Variants in VPS54 observed in about 807,000 individuals in gnomAD.
VPS54 encodes VPS54 subunit of GARP complex.
A neutral mutation model predicts 121.5 loss-of-function variants in VPS54; 45 were observed. The ratio of observed to expected loss-of-function variants is 0.37; its 90% CI spans 0.29 to 0.47. The LOEUF is 0.47. Ranked by LOEUF, VPS54 falls within the 20% of genes least tolerant of loss-of-function variation. VPS54 has a pLI of 0.99. For synonymous variants in VPS54, 371 were observed against 385.8 expected, an observed-to-expected ratio of 0.96 and a Z score of 0.45; for missense variants, 1,090 against 1,131.4, an observed-to-expected ratio of 0.96 and a Z score of 0.52.
Position 63,893,545 on chromosome 2 carries a change from G to A in VPS54, c.2829-10C>T, listed in dbSNP as rs775694701. On this transcript the variant is annotated splice_polypyrimidine_tract_variant and intron_variant, in intron 22 of 22. Transcript: ENST00000272322. ...ATCTGCTGTGACCAACCTAAATAAT[G>A]GAGAGAAAATTATTTTTTAAATCTC... The A allele has an allele frequency of 5.6e-6, 9 of 1,599,546 alleles. No homozygotes were observed. Among genetic ancestry groups the A allele is most frequent in the Non-Finnish European group, 7.7e-6 (9 of 1,172,442 alleles).
intron 1 of VPS54, among the ~76,000 whole-genome samples, chr2:64,004,939 T>C (rs1181794055): frequency 1.3e-5 from 2 of 151,058 alleles, no homozygotes; most frequent in African/African-American, 2.4e-5. Flanking sequence ...CTACCACACC[T>C]GGCTAATTTT....
intron 3 of VPS54, 74 bp from the exon 4 acceptor site, chr2:63,972,318 C>G: frequency 9.6e-7 from 1 of 1,046,730 alleles, no homozygotes; most frequent in Non-Finnish European, 1.4e-6. Context: ...TGTTTTGCAA[C>G]AGAATATCAG....
At chr2:64,007,794 C>G (rs1249588853) in intron 1 of VPS54, among the ~76,000 whole-genome samples, 2 of 152,102 alleles carry the variant, frequency 1.3e-5, no homozygotes, top group Admixed American at 1.3e-4. Context: ...TCAGAAATAC[C>G]ATCCTTACAC....
Position 63,912,354 on chromosome 2 carries a change from C to CCTT in VPS54, c.2615_2616insAAG (p.Leu872_Leu873insArg), listed in dbSNP as rs1673185844. 1 of 1,607,812 alleles carries CCTT rather than the reference C, an allele frequency of 6.2e-7. No homozygotes were observed. The highest frequency in any genetic ancestry group is 8.5e-7 in the Non-Finnish European group (1 of 1,176,574). ...TTCTATAAATCATTACCTTAGATAA[C>CCTT]AGCTTGTCAAATAAGCTATCCATTA... is the stretch of plus-strand genomic sequence containing the variant. On this transcript the variant is annotated inframe_insertion, in exon 20 of 23. Transcript: ENST00000272322.
At chr2:63,941,669 G>C (rs1352496231) in intron 11 of VPS54, among the ~76,000 whole-genome samples, 1 of 152,092 alleles carries the variant, frequency 6.6e-6, no homozygotes, top group Non-Finnish European at 1.5e-5. Context: ...TGACTAAAGA[G>C]ACAAAATAAT....
intron 5 of VPS54, among the ~76,000 whole-genome samples, chr2:63,967,649 G>A (rs1297019546): frequency 7.0e-6 from 1 of 143,524 alleles, no homozygotes; most frequent in Non-Finnish European, 1.5e-5. Context: ...AACCTGGGAG[G>A]CGGAGGTTGC....
intron 1 of VPS54, among the ~76,000 whole-genome samples, chr2:63,988,410 A>C (rs1677154758): frequency 1.3e-5 from 2 of 152,148 alleles, no homozygotes; most frequent in African/African-American, 4.8e-5. Context: ...TAGTATTTTT[A>C]TTGAAGATTT....
chr2:63,996,885 T>C (rs1441068880), intron 1 of VPS54, among the ~76,000 whole-genome samples: 1 of 152,184 alleles, frequency 6.6e-6, no homozygotes, highest in African/African-American at 2.4e-5. Flanking sequence ...TGTGATATTT[T>C]GTTGCCCTTG....
intron 1 of VPS54, among the ~76,000 whole-genome samples, chr2:63,992,935 A>T (rs189247312): frequency 1.3e-5 from 2 of 152,358 alleles, no homozygotes; most frequent in East Asian, 3.9e-4. Context: ...AGGGAATGCT[A>T]AATAGCCCTA....
At chr2:63,953,248 C>T (rs1160152571) in intron 7 of VPS54, among the ~76,000 whole-genome samples, 4 of 151,154 alleles carry the variant, frequency 2.6e-5, no homozygotes, top group Admixed American at 6.6e-5. Context: ...TCTCGTGCCT[C>T]AGCCTCCCAA....
chr2:63,962,376 AAT>A lies in VPS54; in HGVS notation c.690_691del (p.Phe232SerfsTer26). On this transcript the variant is annotated frameshift_variant, in exon 7 of 23. Coordinates refer to ENST00000272322, the MANE Select transcript of VPS54 (RefSeq NM_016516.3). LOFTEE classifies it high-confidence loss of function. ...GTGTTGAGAGGTCATTGCATGAAAA[AAT>A]GCTTCTGAACGTAGAGAGATCTGGT... 1.9e-6 allele frequency: 3 copies of A among 1,613,980 alleles called. No individual in the cohort carries two copies.
chr2:63,981,577 T>C, intron 3 of VPS54, 69 bp downstream of exon 3: 1 of 1,484,678 alleles, frequency 6.7e-7, no homozygotes, highest in Non-Finnish European at 9.0e-7. Context: ...CAAAAATCTA[T>C]AATAAAGCAT....
chr2:64,012,678 T>C (rs1052424538), intron 1 of VPS54, among the ~76,000 whole-genome samples: 3 of 150,398 alleles, frequency 2.0e-5, no homozygotes, highest in Non-Finnish European at 4.4e-5. Context: ...CTTTAATCTC[T>C]TCATCGGCCC....
In VPS54 at chr2:63,933,843, A is replaced by T. The variant is rs1428719875; in HGVS notation, c.1569T>A (p.Gly523=). ...CTGCTATAGGTGTTAGCTCACCCTC[A>T]CCGAATGCATCACTTATAAACATGC... ...HEGMFISDAF[G]EGELTPIAVD... is the part of the protein sequence containing the mutation. The change falls in exon 12 of 23, where the codon GGT becomes GGA. Residue 523 remains glycine, a synonymous_variant. Coordinates refer to ENST00000272322, the MANE Select transcript of VPS54 (RefSeq NM_016516.3). 2 of 1,613,836 alleles carry T rather than the reference A, an allele frequency of 1.2e-6. No individual in the cohort carries two copies. The highest frequency in any genetic ancestry group is 1.7e-6 in the Non-Finnish European group (2 of 1,179,838).
intron 12 of VPS54, among the ~76,000 whole-genome samples, chr2:63,932,522 G>A (rs1278248439): frequency 6.6e-6 from 1 of 152,070 alleles, no homozygotes; most frequent in Non-Finnish European, 1.5e-5. Flanking sequence ...GGAGGGCTAG[G>A]GGAGGGATAA....
Position 63,949,128 on chromosome 2 carries a change from A to AG in VPS54, c.1045dup (p.Leu349ProfsTer4). 1 of 1,611,240 alleles carries AG rather than the reference A, an allele frequency of 6.2e-7. No individual in the cohort carries two copies. Among genetic ancestry groups the AG allele is most frequent in the Non-Finnish European group, 8.5e-7 (1 of 1,179,330 alleles). On this transcript the variant is annotated frameshift_variant, in exon 8 of 23. Transcript: ENST00000272322. LOFTEE classifies it high-confidence loss of function. ...TTCTGCAATCATCATTTTATCTATCAGTTTTTCTAATTCACAAAGCTGTGA... is the reference window on the plus strand; with the variant it reads ...TTCTGCAATCATCATTTTATCTATCAGGTTTTTCTAATTCACAAAGCTGTGA...
intron 12 of VPS54, among the ~76,000 whole-genome samples, chr2:63,927,954 G>C (rs1323167524): frequency 6.6e-6 from 1 of 152,150 alleles, no homozygotes; most frequent in African/African-American, 2.4e-5. Flanking sequence ...GAGAAGACAA[G>C]ATTAGAGAAA....
intron 12 of VPS54, among the ~76,000 whole-genome samples, chr2:63,926,562 C>A (rs1364920673): frequency 6.6e-6 from 1 of 152,150 alleles, no homozygotes; most frequent in Middle Eastern, 3.2e-3. Context: ...CAGCTCCCAG[C>A]GAGATCGACG....
chr2:63,927,188 G>A (rs1049097965), intron 12 of VPS54, among the ~76,000 whole-genome samples: 5 of 152,136 alleles, frequency 3.3e-5, no homozygotes, highest in African/African-American at 7.2e-5. Flanking sequence ...CTCTGATAAC[G>A]GACAGACTGC....
Sources: gnomAD v4.1 joint callset for allele counts (sites outside exome capture counted in the v4.1 genomes callset) on GRCh38, gnomAD v4.1.1 for gene constraint, MANE v1.5 for transcripts, NCBI Gene and HGNC (gene_info 2026-07-23, HGNC 2026-07-21) for gene names.